The following BLTP3B variants were observed in gnomAD, a reference collection of about 807,000 sequenced individuals.
BLTP3B encodes the protein UHRF1 (ICBP90) binding protein 1-like.
chr12:100,125,115 C>T, the BLTP3B span, among the ~76,000 whole-genome samples: 5 of 148,708 alleles, frequency 3.4e-5, no homozygotes, highest in South Asian at 4.2e-4. Flanking sequence ...GCGGATCATC[C>T]GAGGTCAGGA....
At chr12:100,081,687 A>G in the BLTP3B span, among the ~76,000 whole-genome samples, 16 of 152,260 alleles carry the variant, frequency 1.1e-4, no homozygotes, top group African/African-American at 3.8e-4. Flanking sequence ...CTTTTCCTGC[A>G]TTAATTCACT....
At chr12:100,109,489 G>A in the BLTP3B span, among the ~76,000 whole-genome samples, 1 of 152,086 alleles carries the variant, frequency 6.6e-6, no homozygotes, top group Non-Finnish European at 1.5e-5. Context: ...AGGCAGCCAG[G>A]TGCGTGGCTC....
At chr12:100,090,752 T>C in the BLTP3B span, among the ~76,000 whole-genome samples, 2 of 152,154 alleles carry the variant, frequency 1.3e-5, no homozygotes, top group Admixed American at 1.3e-4. Flanking sequence ...AATTAATTGT[T>C]AAACTGATAT....
the BLTP3B span, chr12:100,142,824 G>T: frequency 5.3e-6 from 4 of 752,896 alleles, no homozygotes; most frequent in African/African-American, 1.9e-5. Flanking sequence ...CGCTCAGGCC[G>T]CCACGGCCGC....
chr12:100,128,683 C>A, the BLTP3B span: 2 of 1,288,424 alleles, frequency 1.6e-6, no homozygotes, highest in Admixed American at 4.6e-5. Flanking sequence ...GGTGATTATG[C>A]AATTCACAGC....
the BLTP3B span, among the ~76,000 whole-genome samples, chr12:100,118,678 G>C: frequency 6.6e-6 from 1 of 152,118 alleles, no homozygotes; most frequent in Admixed American, 6.5e-5. Flanking sequence ...TGAGAATTCT[G>C]CATTATCTTC....
the BLTP3B span, among the ~76,000 whole-genome samples, chr12:100,074,471 C>T: frequency 2.3e-3 from 355 of 152,024 alleles, 7 homozygotes; most frequent in East Asian, 0.04. Flanking sequence ...TGGTGGCACA[C>T]GCCTGTAATC....
the BLTP3B span, among the ~76,000 whole-genome samples, chr12:100,083,523 A>G: frequency 6.6e-6 from 1 of 152,186 alleles, no homozygotes; most frequent in Non-Finnish European, 1.5e-5. Context: ...TAGGGTGACT[A>G]TAATTAATAA....
the BLTP3B span, among the ~76,000 whole-genome samples, chr12:100,123,440 G>C: frequency 6.6e-6 from 1 of 152,058 alleles, no homozygotes; most frequent in East Asian, 1.9e-4. Flanking sequence ...TTCTGTGACC[G>C]TGTGCGTGGA....
chr12:100,100,066 G>T, the BLTP3B span, among the ~76,000 whole-genome samples: 1 of 151,906 alleles, frequency 6.6e-6, no homozygotes, highest in Non-Finnish European at 1.5e-5. Flanking sequence ...ACTGTGGGAG[G>T]CCAAGGCAGG....
At chr12:100,076,608 G>T in the BLTP3B span, among the ~76,000 whole-genome samples, 5 of 152,136 alleles carry the variant, frequency 3.3e-5, no homozygotes, top group East Asian at 9.7e-4. Context: ...TGGCCAGGCT[G>T]GTCTCTAACT....
the BLTP3B span, chr12:100,070,237 G>A: frequency 6.6e-7 from 1 of 1,510,256 alleles, no homozygotes. Context: ...AAAGATTGTT[G>A]AAACATGAAG....
the BLTP3B span, among the ~76,000 whole-genome samples, chr12:100,064,698 T>G: frequency 6.6e-6 from 1 of 152,000 alleles, no homozygotes; most frequent in African/African-American, 2.4e-5. Context: ...AAGCTTCACA[T>G]GTCAAGTAAA....
At chr12:100,104,193 G>C in the BLTP3B span, among the ~76,000 whole-genome samples, 1 of 145,482 alleles carries the variant, frequency 6.9e-6, no homozygotes, top group African/African-American at 2.5e-5. Flanking sequence ...GAAATTGTAA[G>C]TTCTTTTTTT....
At chr12:100,116,898 A>C in the BLTP3B span, among the ~76,000 whole-genome samples, 1 of 152,208 alleles carries the variant, frequency 6.6e-6, no homozygotes, top group African/African-American at 2.4e-5. Flanking sequence ...ATGTTGCAGG[A>C]TATAAGGCCA....
the BLTP3B span, among the ~76,000 whole-genome samples, chr12:100,121,674 T>C: frequency 2.0e-5 from 3 of 151,696 alleles, no homozygotes; most frequent in Non-Finnish European, 2.9e-5. Context: ...CTACTAAAAG[T>C]ACAAAATTAG....
At chr12:100,110,628 A>G in the BLTP3B span, among the ~76,000 whole-genome samples, 6 of 152,142 alleles carry the variant, frequency 3.9e-5, no homozygotes, top group African/African-American at 1.4e-4. Context: ...AAGAGAGAAT[A>G]TAGCAGGAGT....
the BLTP3B span, among the ~76,000 whole-genome samples, chr12:100,048,735 GGAGAGAGAGAGA>G: frequency 5.0e-5 from 6 of 119,592 alleles, no homozygotes; most frequent in East Asian, 2.4e-4. Flanking sequence ...GTAAGGGGGG[GGAGAGAGAGAGA>G]GAGAGAGAGA....
chr12:100,100,710 A>G, the BLTP3B span, among the ~76,000 whole-genome samples: 1 of 146,616 alleles, frequency 6.8e-6, no homozygotes, highest in Non-Finnish European at 1.5e-5. Flanking sequence ...AGACCCAAAA[A>G]TACATATTCA....
Sources: allele counts gnomAD v4.1 joint callset (sites outside exome capture counted in the v4.1 genomes callset), GRCh38; gene constraint gnomAD v4.1.1; transcripts MANE v1.5; gene names NCBI Gene and HGNC (gene_info 2026-07-23, HGNC 2026-07-21).